LAMA2: variants seen among roughly 807,000 people sequenced by gnomAD.
The protein encoded by LAMA2 is laminin subunit alpha-2.
Under a neutral mutation model 364.8 loss-of-function variants are expected in LAMA2, and 269 were observed. That is an observed-to-expected ratio of 0.74 (90% CI 0.67 to 0.82). The LOEUF (loss-of-function observed/expected upper bound fraction) is 0.82. Among genes scored for constraint, LAMA2 ranks in the 40% least tolerant of loss-of-function variants. LAMA2 has a pLI of 0.00. For synonymous variants in LAMA2, 1,379 were observed against 1,370.6 expected, an observed-to-expected ratio of 1.01 and a Z score of -0.14; for missense variants, 3,807 against 3,873.2, an observed-to-expected ratio of 0.98 and a Z score of 0.45.
At chr6:129,251,197 A>T (rs994045249) in intron 13 of LAMA2, among the ~76,000 whole-genome samples, 3 of 151,430 alleles carry the variant, frequency 2.0e-5, no homozygotes, top group African/African-American at 7.3e-5. Context: ...ATTCATGTGA[A>T]TGAACTAAGA....
intron 1 of LAMA2, among the ~76,000 whole-genome samples, chr6:128,978,472 C>A (rs1782668080): frequency 6.6e-6 from 1 of 151,888 alleles, no homozygotes; most frequent in Non-Finnish European, 1.5e-5. Flanking sequence ...CGCCTGCCAC[C>A]AAGCTGGGCT....
At chr6:129,339,350 C>T (rs1045623309) in intron 29 of LAMA2, among the ~76,000 whole-genome samples, 4 of 152,042 alleles carry the variant, frequency 2.6e-5, no homozygotes, top group Non-Finnish European at 4.4e-5. Context: ...TCAGATGAAA[C>T]GAGAAATACA....
chr6:129,298,287 T>C (rs556226090), intron 21 of LAMA2, among the ~76,000 whole-genome samples: 7 of 149,654 alleles, frequency 4.7e-5, no homozygotes, highest in African/African-American at 1.7e-4. Flanking sequence ...AGTCAAGGTG[T>C]TTTTTTTTTC....
At chr6:129,174,281 G>C (rs369978524) in intron 9 of LAMA2, among the ~76,000 whole-genome samples, 3 of 151,684 alleles carry the variant, frequency 2.0e-5, no homozygotes, top group East Asian at 3.9e-4. Flanking sequence ...ATTTCATAAG[G>C]AAATTTTCAA....
chr6:129,066,645 T>G (rs1240080752), intron 3 of LAMA2, among the ~76,000 whole-genome samples: 1 of 152,146 alleles, frequency 6.6e-6, no homozygotes, highest in African/African-American at 2.4e-5. Context: ...AGAACAAAGC[T>G]GGAAGCATCA....
intron 41 of LAMA2, among the ~76,000 whole-genome samples, chr6:129,431,556 C>T (rs1421154204): frequency 6.6e-6 from 1 of 152,052 alleles, no homozygotes; most frequent in Non-Finnish European, 1.5e-5. Context: ...TAACCCTTGA[C>T]CAATGCAGGG....
chr6:129,440,837 C>T lies in LAMA2; in HGVS notation c.6107C>T (p.Ala2036Val), dbSNP rs1353380324. The T allele has an allele frequency of 6.2e-7, 1 of 1,613,890 alleles. No individual in the cohort carries two copies. Among genetic ancestry groups the T allele is most frequent in the East Asian group, 2.2e-5 (1 of 44,876 alleles). The change falls in exon 43 of 65, where the codon GCT becomes GTT. Residue 2036 changes from alanine to valine, a missense_variant. Physicochemically the swap from Ala to Val is moderately conservative, Grantham distance 64. This residue lies in a region of LAMA2 where 3,333 missense variants were observed against 3,345.7 expected (regional missense o/e 1.00). Coordinates refer to ENST00000421865, the MANE Select transcript of LAMA2 (RefSeq NM_000426.4). Reference protein sequence around the residue: ...IPNDTAAKLQAVKDKARQAND... With the variant: ...IPNDTAAKLQVVKDKARQAND... ...ACAGATACAGCTGCTAAACTGCAAGCTGTTAAGGACAAAGCCAGACAAGCC... is the reference window on the plus strand; with the variant it reads ...ACAGATACAGCTGCTAAACTGCAAGTTGTTAAGGACAAAGCCAGACAAGCC...
intron 4 of LAMA2, among the ~76,000 whole-genome samples, chr6:129,102,780 G>C (rs1775593308): frequency 6.6e-6 from 1 of 152,216 alleles, no homozygotes; most frequent in Non-Finnish European, 1.5e-5. Flanking sequence ...TGAACTTTCT[G>C]ATGCTACTGC....
intron 63 of LAMA2, among the ~76,000 whole-genome samples, chr6:129,512,878 C>T (rs987636487): frequency 3.3e-5 from 5 of 152,172 alleles, no homozygotes; most frequent in Admixed American, 2.0e-4. Context: ...TAAAATTAGT[C>T]TGCCTCTTTT....
chr6:129,032,113 C>T (rs1382806886), intron 1 of LAMA2, among the ~76,000 whole-genome samples: 1 of 152,198 alleles, frequency 6.6e-6, no homozygotes, highest in Non-Finnish European at 1.5e-5. Flanking sequence ...CCACCAGGCC[C>T]ATCCTCTGAT....
intron 9 of LAMA2, 78 bp from the exon 10 acceptor site, chr6:129,177,626 AGG>A: frequency 7.2e-7 from 1 of 1,394,470 alleles, no homozygotes; most frequent in East Asian, 2.3e-5. Context: ...AGCATTTTAA[AGG>A]TTACTGTCAT....
chr6:128,903,901 G>A (rs1777246918), intron 1 of LAMA2, among the ~76,000 whole-genome samples: 1 of 152,178 alleles, frequency 6.6e-6, no homozygotes, highest in Non-Finnish European at 1.5e-5. Flanking sequence ...CTGCTGCTGG[G>A]ATCTTCTCAC....
chr6:129,018,840 A>C (rs1409906352), intron 1 of LAMA2, among the ~76,000 whole-genome samples: 1 of 152,084 alleles, frequency 6.6e-6, no homozygotes, highest in African/African-American at 2.4e-5. Context: ...TAAAACATCT[A>C]CTATTCCATG....
chr6:129,042,341 C>T (rs1787160323), intron 1 of LAMA2, among the ~76,000 whole-genome samples: 1 of 152,046 alleles, frequency 6.6e-6, no homozygotes, highest in Non-Finnish European at 1.5e-5. Context: ...ATTAATTTAA[C>T]ATGTTTGAGT....
At chr6:129,120,550 A>G (rs1051659068) in intron 4 of LAMA2, among the ~76,000 whole-genome samples, 2 of 152,230 alleles carry the variant, frequency 1.3e-5, no homozygotes, top group Admixed American at 1.3e-4. Flanking sequence ...AAGTTTTACA[A>G]TATTTACTAA....
At chr6:128,933,606 A>G (rs1047682555) in intron 1 of LAMA2, among the ~76,000 whole-genome samples, 3 of 152,124 alleles carry the variant, frequency 2.0e-5, no homozygotes, top group African/African-American at 4.8e-5. Context: ...CTTTTATATA[A>G]TAGCCATGCT....
At chr6:129,027,584 G>T (rs1785915547) in intron 1 of LAMA2, among the ~76,000 whole-genome samples, 1 of 151,682 alleles carries the variant, frequency 6.6e-6, no homozygotes. Context: ...TCTTTTTAAT[G>T]GTAACTTGTG....
chr6:128,974,853 AT>A (rs34727721), intron 1 of LAMA2, among the ~76,000 whole-genome samples: 12,031 of 143,006 alleles, frequency 0.084, 804 homozygotes, highest in African/African-American at 0.21. Flanking sequence ...ATGAGTAACA[AT>A]TTTTTTTTTT....
chr6:129,051,917 T>G (rs1008916940), intron 2 of LAMA2, among the ~76,000 whole-genome samples: 3 of 151,572 alleles, frequency 2.0e-5, no homozygotes, highest in African/African-American at 7.3e-5. Flanking sequence ...TGTGTAGATG[T>G]GTGTTTAGGA....
Sources: allele counts gnomAD v4.1 joint callset (sites outside exome capture counted in the v4.1 genomes callset), GRCh38; gene constraint gnomAD v4.1.1; regional missense constraint gnomAD v4.1.1; transcripts MANE v1.5; gene names NCBI Gene and HGNC (gene_info 2026-07-23, HGNC 2026-07-21).